The following CREB1 variants were observed in gnomAD, a reference collection of about 807,000 sequenced individuals.
CREB1 encodes the protein cyclic AMP-responsive element-binding protein 1.
CREB1 carries 2 observed loss-of-function variants against 42.0 expected under a neutral mutation model. The ratio of observed to expected loss-of-function variants is 0.05; its 90% CI spans 0.02 to 0.15. The LOEUF is 0.15. Ranked by LOEUF, CREB1 falls within the 10% of genes least tolerant of loss-of-function variation. CREB1 has a pLI of 1.00. For missense variants in CREB1, 199 were observed against 388.9 expected, an observed-to-expected ratio of 0.51 and a Z score of 4.11; for synonymous variants, 123 against 139.9, an observed-to-expected ratio of 0.88 and a Z score of 0.85.
chr2:207,574,719 G>C (rs894609572), intron 5 of CREB1, among the ~76,000 whole-genome samples: 2 of 152,172 alleles, frequency 1.3e-5, no homozygotes, highest in Non-Finnish European at 1.5e-5. Flanking sequence ...GGATATTTCA[G>C]TTGTTTCATT....
chr2:207,570,343 T>G, intron 5 of CREB1, 22 bp downstream of exon 5: 1 of 1,572,536 alleles, frequency 6.4e-7, no homozygotes, highest in Non-Finnish European at 8.6e-7. Context: ...ACAATTTCTG[T>G]TTCTATTGTG....
In CREB1 at chr2:207,600,212, G is replaced by T. The variant is rs554424001; in HGVS notation, c.*3154G>T. On this transcript the variant is annotated 3_prime_UTR_variant, in exon 8 of 8. Coordinates refer to ENST00000353267, the MANE Select transcript of CREB1 (RefSeq NM_004379.5). ...TCTTCATTTAGATATTCTTGGGGGG[G>T]GTGGCATTTGTATAATATATGTGTA... is the stretch of plus-strand genomic sequence containing the variant. The T allele has an allele frequency of 1.2e-5, 2 of 166,728 alleles. No individual in the cohort carries two copies. The highest frequency in any genetic ancestry group is 5.0e-5 in the African/African-American group (2 of 39,974). The allele number at this position is 166,728 out of a possible 1,614,324, so 10.3% of individuals were successfully genotyped here.
intron 2 of CREB1, among the ~76,000 whole-genome samples, chr2:207,558,339 C>T (rs2081815567): frequency 6.6e-6 from 1 of 152,134 alleles, no homozygotes; most frequent in African/African-American, 2.4e-5. Context: ...CACCCAAAAG[C>T]CTATCCTTAC....
rs116043655 is a variant in CREB1 at position 207,554,533 on chromosome 2, A to G, written c.-8-1095A>G. On this transcript the variant is annotated intron_variant, in intron 1 of 7. Coordinates refer to ENST00000353267, the MANE Select transcript of CREB1 (RefSeq NM_004379.5). ...ATAATAGGCACTAGAAACATTGCCT[A>G]TTTTCCTGAATCCTTTAGACAGGAT... 1.6e-3 allele frequency among the ~76,000 whole-genome samples: 239 copies of G among 152,242 alleles called. 1 individual carries two copies. The highest frequency in any genetic ancestry group is 5.6e-3 in the African/African-American group (234 of 41,542).
intron 7 of CREB1, among the ~76,000 whole-genome samples, chr2:207,595,707 G>A (rs2086010064): frequency 6.6e-6 from 1 of 152,182 alleles, no homozygotes; most frequent in Admixed American, 6.5e-5. Flanking sequence ...TGGGACTACA[G>A]GCATGTGCCA....
At chr2:207,535,064 ATTC>A (rs1357912200) in intron 1 of CREB1, among the ~76,000 whole-genome samples, 1 of 152,224 alleles carries the variant, frequency 6.6e-6, no homozygotes, top group African/African-American at 2.4e-5. Flanking sequence ...AGCTGCTTTT[ATTC>A]TTAGGTCTTA....
intron 7 of CREB1, among the ~76,000 whole-genome samples, chr2:207,584,986 C>T (rs1225234735): frequency 1.3e-5 from 2 of 151,464 alleles, no homozygotes; most frequent in Non-Finnish European, 2.9e-5. Context: ...AATTTTCTGC[C>T]TGGATAGGCC....
At chr2:207,561,521 G>A (rs1013261636) in intron 3 of CREB1, among the ~76,000 whole-genome samples, 1 of 151,940 alleles carries the variant, frequency 6.6e-6, no homozygotes, top group African/African-American at 2.4e-5. Flanking sequence ...TAGTGATCCC[G>A]GGTAAACACA....
intron 7 of CREB1, among the ~76,000 whole-genome samples, chr2:207,578,810 A>C (rs2082703288): frequency 6.6e-6 from 1 of 151,758 alleles, no homozygotes; most frequent in East Asian, 1.9e-4. Context: ...TTTTCTCCCG[A>C]GATGAAGTCT....
At position 207,553,156 on chromosome 2, in the gene CREB1, T is replaced by A. The variant is rs1574814376; in HGVS notation, c.-8-2472T>A. On this transcript the variant is annotated intron_variant, in intron 1 of 7. Coordinates refer to ENST00000353267, the MANE Select transcript of CREB1 (RefSeq NM_004379.5). ...CCATGTTGGCTCACTGCAACTTCTG[T>A]CTCCTGGGTTCAAGCAATTCTCCTG... Among the ~76,000 whole-genome samples, 3 of 144,442 alleles carry A rather than the reference T, an allele frequency of 2.1e-5. No homozygotes were observed. In the East Asian group the frequency reaches 6.3e-4, roughly 30 times the overall value. The allele number at this position is 144,442 out of a possible 152,430, so 94.8% of individuals were successfully genotyped here.
intron 6 of CREB1, 159 bp from the exon 7 acceptor site, chr2:207,577,346 C>A: frequency 1.9e-6 from 2 of 1,075,236 alleles, no homozygotes; most frequent in Admixed American, 3.0e-5. Context: ...TTAGTAGTGG[C>A]GCGAAGAGTG....
intron 4 of CREB1, 21 bp downstream of exon 4, chr2:207,567,584 A>T: frequency 6.5e-7 from 1 of 1,549,470 alleles, no homozygotes. Context: ...TAATAGTTAG[A>T]ATCAAAGATG....
chr2:207,546,819 T>A (rs1364887441), intron 1 of CREB1, among the ~76,000 whole-genome samples: 1 of 152,174 alleles, frequency 6.6e-6, no homozygotes, highest in African/African-American at 2.4e-5. Flanking sequence ...TTTTAAAGAT[T>A]AACCATGGTC....
chr2:207,549,901 C>T (rs532318087), intron 1 of CREB1, among the ~76,000 whole-genome samples: 6 of 150,728 alleles, frequency 4.0e-5, no homozygotes, highest in East Asian at 2.0e-4. Flanking sequence ...ACCCAAGGGG[C>T]GGGGGTTGCA....
intron 2 of CREB1, among the ~76,000 whole-genome samples, chr2:207,556,973 C>A (rs1397624367): frequency 6.6e-6 from 1 of 152,098 alleles, no homozygotes; most frequent in Non-Finnish European, 1.5e-5. Context: ...CCCATCTCTA[C>A]TAAAAATACA....
chr2:207,585,202 G>T (rs2106634568), intron 7 of CREB1, among the ~76,000 whole-genome samples: 1 of 152,298 alleles, frequency 6.6e-6, no homozygotes, highest in South Asian at 2.1e-4. Flanking sequence ...AAAGGCCTTT[G>T]TGTCCACATA....
At chr2:207,531,470 T>C (rs538778734) in intron 1 of CREB1, among the ~76,000 whole-genome samples, 36 of 152,328 alleles carry the variant, frequency 2.4e-4, no homozygotes, top group African/African-American at 8.4e-4. Flanking sequence ...AGAAAAGTCA[T>C]TGACACATTA....
At chr2:207,574,448 A>G (rs1475391983) in intron 5 of CREB1, among the ~76,000 whole-genome samples, 1 of 152,166 alleles carries the variant, frequency 6.6e-6, no homozygotes. Flanking sequence ...AAATTTTTCT[A>G]TGTACTGTAG....
intron 1 of CREB1, among the ~76,000 whole-genome samples, chr2:207,546,668 A>C (rs531169659): frequency 1.3e-3 from 196 of 152,202 alleles, no homozygotes; most frequent in Non-Finnish European, 2.4e-3. Flanking sequence ...CGGAGGTTGC[A>C]GTGAGCTGAG....
Sources: allele counts gnomAD v4.1 joint callset (sites outside exome capture counted in the v4.1 genomes callset), GRCh38; gene constraint gnomAD v4.1.1; transcripts MANE v1.5; gene names NCBI Gene and HGNC (gene_info 2026-07-23, HGNC 2026-07-21).